GABRG1: variants seen among roughly 807,000 people sequenced by gnomAD.
GABRG1 encodes the protein gamma-aminobutyric acid receptor subunit gamma-1.
A neutral mutation model predicts 49.8 loss-of-function variants in GABRG1; 49 were observed. The ratio of observed to expected loss-of-function variants is 0.98; its 90% CI spans 0.78 to 1.25. The LOEUF is 1.25. GABRG1 is among the 50% of genes most tolerant of loss of function. GABRG1 has a pLI of 0.00. For missense variants in GABRG1, 552 were observed against 552.3 expected (o/e 1.00, Z 0.01); for synonymous variants, 232 against 185.1 (o/e 1.25, Z -2.06).
chr4:46,049,284 T>G (rs975279153), intron 8 of GABRG1, among the ~76,000 whole-genome samples: 1 of 151,870 alleles, frequency 6.6e-6, no homozygotes, highest in African/African-American at 2.4e-5. Context: ...AGTTGCCTGT[T>G]CCTCATAAAA....
intron 3 of GABRG1, among the ~76,000 whole-genome samples, chr4:46,070,070 G>C (rs1719060974): frequency 6.6e-6 from 1 of 151,944 alleles, no homozygotes; most frequent in Admixed American, 6.6e-5. Context: ...GACATCTTCT[G>C]TATGTCAGGG....
chr4:46,062,313 G>A (rs930334933), intron 5 of GABRG1, among the ~76,000 whole-genome samples: 1 of 151,728 alleles, frequency 6.6e-6, no homozygotes, highest in Non-Finnish European at 1.5e-5. Flanking sequence ...CTTTGCTATT[G>A]TGAATAGTGC....
chr4:46,063,536 T>G (rs939030023), intron 5 of GABRG1, among the ~76,000 whole-genome samples: 2 of 152,064 alleles, frequency 1.3e-5, no homozygotes, highest in South Asian at 4.1e-4. Flanking sequence ...AAAAATTAAT[T>G]CAAGATGGAT....
intron 3 of GABRG1, among the ~76,000 whole-genome samples, chr4:46,068,878 T>C (rs1335741167): frequency 6.6e-6 from 1 of 151,690 alleles, no homozygotes; most frequent in Non-Finnish European, 1.5e-5. Flanking sequence ...AATACAAGAG[T>C]TTCTAAGATA....
chr4:46,070,966 C>T (rs1457387245), intron 3 of GABRG1, among the ~76,000 whole-genome samples: 1 of 152,062 alleles, frequency 6.6e-6, no homozygotes, highest in Non-Finnish European at 1.5e-5. Context: ...TAGCCAAATA[C>T]AGTCATGCAC....
rs1263424819 is a variant in GABRG1, at chr4:46,065,730, A to G, written c.322-146T>C. ...GAGGAAAAAAATGCCATTATTTTAA[A>G]CTTTTTTTTTGAGACAGAGTCTCGC... On this transcript the variant is annotated intron_variant, in intron 3 of 8. Transcript: ENST00000295452. 1.4e-5 allele frequency: 8 copies of G among 585,264 alleles called. No individual in the cohort carries two copies. In the South Asian group the frequency reaches 1.7e-4, roughly 13 times the overall value. The allele number at this position is 585,264 out of a possible 1,614,324, so 36.3% of individuals were successfully genotyped here. A position where few individuals can be genotyped will look rare whatever the true frequency, so the allele number is the denominator to read the frequency against.
chr4:46,117,676 A>ATG (rs1720950295), intron 1 of GABRG1, among the ~76,000 whole-genome samples: 1 of 145,034 alleles, frequency 6.9e-6, no homozygotes, highest in African/African-American at 2.5e-5. Context: ...ATAGCTGTAT[A>ATG]TATATACACA....
chr4:46,094,231 A>G (rs1406215389), intron 2 of GABRG1, among the ~76,000 whole-genome samples: 1 of 152,086 alleles, frequency 6.6e-6, no homozygotes, highest in African/African-American at 2.4e-5. Context: ...AGTTCTCAGT[A>G]TAACTTAAAG....
Position 46,052,826 on chromosome 4 carries a change from T to C in GABRG1, c.917-1188A>G, listed in dbSNP as rs149822818. ...AGCTGTAGCAACAGTCTCTTTGGTA[T>C]AGTGAAGGCAATAACCACCTCTTCC... On this transcript the variant is annotated intron_variant, in intron 7 of 8. Transcript: ENST00000295452. 4.6e-3 allele frequency among the ~76,000 whole-genome samples: 694 copies of C among 152,026 alleles called. 1 individual carries two copies. The highest frequency in any genetic ancestry group is 8.0e-3 in the Non-Finnish European group (542 of 67,888).
At chr4:46,051,738 A>C (rs1200909727) in intron 7 of GABRG1, 100 bp from the exon 8 acceptor site, 1 of 659,058 alleles carries the variant, frequency 1.5e-6, no homozygotes, top group Non-Finnish European at 2.5e-6. Flanking sequence ...AACAATAGAA[A>C]CAAAAATATG....
chr4:46,088,272 A>G (rs1180727222), intron 2 of GABRG1, among the ~76,000 whole-genome samples: 1 of 152,070 alleles, frequency 6.6e-6, no homozygotes, highest in Non-Finnish European at 1.5e-5. Context: ...ATGTAATGAA[A>G]AATTGTCCCA....
rs1238988303 is a variant in GABRG1 at position 46,118,093 on chromosome 4, T to C, written c.104+5717A>G. ...GTGTGTGTATATATATACATATGTA[T>C]ACATATGTGTGTATATATACATATA... On this transcript the variant is annotated intron_variant, in intron 1 of 8. Coordinates refer to ENST00000295452, the MANE Select transcript of GABRG1 (RefSeq NM_173536.4). Among the ~76,000 whole-genome samples the C allele has an allele frequency of 7.0e-5, 10 of 142,842 alleles. No individual in the cohort carries two copies. In the Admixed American group the frequency reaches 7.0e-4, roughly 10 times the overall value. The allele number at this position is 142,842 out of a possible 152,430, so 93.7% of individuals were successfully genotyped here.
At chr4:46,118,771 T>A (rs1721010034) in intron 1 of GABRG1, among the ~76,000 whole-genome samples, 1 of 151,072 alleles carries the variant, frequency 6.6e-6, no homozygotes, top group African/African-American at 2.4e-5. Context: ...GGCTAAATTA[T>A]TTTAGTACTG....
intron 1 of GABRG1, among the ~76,000 whole-genome samples, chr4:46,116,126 T>G (rs1428304440): frequency 6.6e-6 from 1 of 150,936 alleles, no homozygotes; most frequent in African/African-American, 2.4e-5. Flanking sequence ...CTAACTTTGT[T>G]CCTCAAAGCA....
intron 3 of GABRG1, among the ~76,000 whole-genome samples, chr4:46,078,053 T>G (rs1019895124): frequency 1.3e-5 from 2 of 151,668 alleles, no homozygotes; most frequent in Non-Finnish European, 2.9e-5. Context: ...TAAAATAAGA[T>G]CTGTTAAAAA....
In GABRG1 at chr4:46,116,665, T is replaced by A. The variant is rs376752431; in HGVS notation, c.104+7145A>T. Among the ~76,000 whole-genome samples the A allele has an allele frequency of 2.7e-5, 4 of 150,862 alleles. 1 individual carries two copies. Among genetic ancestry groups the A allele is most frequent in the African/African-American group, 9.7e-5 (4 of 41,390 alleles). ...AAAAGATTGTCTTAGACTATTCACTTCAAAAACTAAGAGAATACAAATAAG... is the reference window on the plus strand; with the variant it reads ...AAAAGATTGTCTTAGACTATTCACTACAAAAACTAAGAGAATACAAATAAG... On this transcript the variant is annotated intron_variant, in intron 1 of 8. Coordinates refer to ENST00000295452, the MANE Select transcript of GABRG1 (RefSeq NM_173536.4).
chr4:46,064,149 C>G (rs1358847243), intron 5 of GABRG1, among the ~76,000 whole-genome samples: 2 of 151,882 alleles, frequency 1.3e-5, no homozygotes, highest in Non-Finnish European at 2.9e-5. Flanking sequence ...CATTTGAATA[C>G]AAACCTATTT....
chr4:46,069,306 C>A (rs931562528), intron 3 of GABRG1, among the ~76,000 whole-genome samples: 1 of 151,958 alleles, frequency 6.6e-6, no homozygotes, highest in Non-Finnish European at 1.5e-5. Flanking sequence ...CAGAAGAGAA[C>A]GGTGGACCTA....
chr4:46,098,451 A>T (rs916997505), intron 1 of GABRG1, among the ~76,000 whole-genome samples: 7 of 151,762 alleles, frequency 4.6e-5, no homozygotes, highest in Non-Finnish European at 8.8e-5. Flanking sequence ...TATTTCAAAG[A>T]TGTGTTTCCC....
Sources: gnomAD v4.1 joint callset for allele counts (sites outside exome capture counted in the v4.1 genomes callset) on GRCh38, gnomAD v4.1.1 for gene constraint, MANE v1.5 for transcripts, NCBI Gene and HGNC (gene_info 2026-07-23, HGNC 2026-07-21) for gene names.